CDH10: variants seen among roughly 807,000 people sequenced by gnomAD.
CDH10 encodes cadherin-10.
CDH10 carries 30 observed loss-of-function variants against 73.1 expected under a neutral mutation model. The observed-to-expected ratio is 0.41, with a 90% CI of 0.31 to 0.56. The LOEUF (loss-of-function observed/expected upper bound fraction) is 0.56. Among genes scored for constraint, CDH10 ranks in the 20% least tolerant of loss-of-function variants. The probability of loss-of-function intolerance (pLI) is 0.27; values close to 1 mark genes in which losing one functional copy is unlikely to be tolerated. For synonymous variants in CDH10, 345 were observed against 348.2 expected (o/e 0.99, Z 0.10); for missense variants, 815 against 973.7 (o/e 0.84, Z 2.17).
intron 5 of CDH10, among the ~76,000 whole-genome samples, chr5:24,519,048 G>A (rs1323657106): frequency 6.6e-6 from 1 of 151,600 alleles, no homozygotes; most frequent in Non-Finnish European, 1.5e-5. Context: ...GCACCACCAT[G>A]CCTGGCTAAT....
intron 2 of CDH10, among the ~76,000 whole-genome samples, chr5:24,563,753 A>G (rs11748166): frequency 0.83 from 120,888 of 145,392 alleles, 50,214 homozygotes; most frequent in East Asian, 0.9. Flanking sequence ...TGGGCGACAG[A>G]GCGAGACTCC....
In CDH10 at chr5:24,644,855, G is replaced by C. The variant is rs1004882393; in HGVS notation, c.-385C>G. 3.3e-5 allele frequency: 5 copies of C among 152,066 alleles called. No individual in the cohort carries two copies. Among genetic ancestry groups the C allele is most frequent in the Admixed American group, 3.3e-4 (5 of 15,226 alleles). 9.4% of individuals were successfully genotyped at this position (152,066 alleles called of 1,614,324 possible). A position where few individuals can be genotyped will look rare whatever the true frequency, so the allele number is the denominator to read the frequency against. ...AAAGGAAAAAAAAAAAAAAGGAAAG[G>C]GGGGAAAAAAGCTCTTCCTCACACG... On this transcript the variant is annotated 5_prime_UTR_variant, in exon 1 of 12. Transcript: ENST00000264463.
At chr5:24,625,994 T>C (rs549412038) in intron 1 of CDH10, among the ~76,000 whole-genome samples, 1 of 152,188 alleles carries the variant, frequency 6.6e-6, no homozygotes, top group African/African-American at 2.4e-5. Flanking sequence ...TAATATGAAT[T>C]AATTGTAGAA....
chr5:24,624,116 C>A (rs910853570), intron 1 of CDH10, among the ~76,000 whole-genome samples: 1 of 152,124 alleles, frequency 6.6e-6, no homozygotes, highest in Non-Finnish European at 1.5e-5. Flanking sequence ...GAGAAAAAGA[C>A]TCTGTCATCA....
rs1742902981 is a variant in CDH10 at position 24,511,505 on chromosome 5, T to G, written c.824A>C (p.His275Pro). 1 of 1,551,558 alleles carries G rather than the reference T, an allele frequency of 6.4e-7. No individual in the cohort carries two copies. Among genetic ancestry groups the G allele is most frequent in the African/African-American group, 1.4e-5 (1 of 71,666 alleles). ...NPPRFPQNTIHLRVLESSPVG... is the reference protein window; with the variant it reads ...NPPRFPQNTIPLRVLESSPVG... ...TGGGGAGGATTCAAGAACTCGAAGA[T>G]GAATAGTGTCTGTAAAGTATAAAGA... is the stretch of plus-strand genomic sequence containing the variant. The change falls in exon 6 of 12, where the codon CAT becomes CCT. Residue 275 changes from histidine to proline, a missense_variant. By Grantham distance (77) the His-to-Pro change is moderately conservative. Transcript: ENST00000264463.
At chr5:24,539,081 T>A (rs563594946) in intron 2 of CDH10, among the ~76,000 whole-genome samples, 1 of 152,196 alleles carries the variant, frequency 6.6e-6, no homozygotes, top group Admixed American at 6.6e-5. Context: ...ATTATAGACA[T>A]GTTTTATGTT....
chr5:24,500,910 T>C (rs1284570302), intron 8 of CDH10, among the ~76,000 whole-genome samples: 1 of 147,480 alleles, frequency 6.8e-6, no homozygotes, highest in Non-Finnish European at 1.5e-5. Context: ...TGAGAAGAAG[T>C]GGAGAGAGGA....
chr5:24,633,127 G>A (rs371866550), intron 1 of CDH10, among the ~76,000 whole-genome samples: 5 of 210 alleles, frequency 0.024, no homozygotes, highest in African/African-American at 0.059. Flanking sequence ...AAGAAAATAA[G>A]AGGAGTAAGA....
intron 5 of CDH10, among the ~76,000 whole-genome samples, chr5:24,512,969 A>G (rs907953975): frequency 1.3e-5 from 2 of 151,464 alleles, no homozygotes; most frequent in South Asian, 2.1e-4. Context: ...AATTTCCTAT[A>G]TTACTATTTC....
chr5:24,627,409 T>C (rs916549093), intron 1 of CDH10, among the ~76,000 whole-genome samples: 2 of 152,104 alleles, frequency 1.3e-5, no homozygotes, highest in Admixed American at 6.6e-5. Flanking sequence ...CACCAATAAA[T>C]AGAAATTTTA....
chr5:24,570,856 A>AT (rs932202168), intron 2 of CDH10, among the ~76,000 whole-genome samples: 33 of 151,166 alleles, frequency 2.2e-4, no homozygotes, highest in African/African-American at 6.3e-4. Context: ...GATTTGAAAT[A>AT]TTTTTTGTTT....
At position 24,644,931 on chromosome 5, in the gene CDH10, G is replaced by A. The variant is rs1748173685; in HGVS notation, c.-461C>T. On this transcript the variant is annotated 5_prime_UTR_variant, in exon 1 of 12. Coordinates refer to ENST00000264463, the MANE Select transcript of CDH10 (RefSeq NM_006727.5). ...TGCAGCACTCGCCATGGGAAGGTTA[G>A]AGACTGTGGAAGTGCTGGCTTCTGC... The A allele has an allele frequency of 6.6e-6, 1 of 152,134 alleles. No homozygotes were observed. 9.4% of individuals were successfully genotyped at this position (152,134 alleles called of 1,614,324 possible).
intron 1 of CDH10, among the ~76,000 whole-genome samples, chr5:24,644,015 C>T (rs1579500444): frequency 1.3e-5 from 2 of 152,184 alleles, no homozygotes; most frequent in South Asian, 4.2e-4. Context: ...AAGAATTCTG[C>T]CTATTCTATT....
At chr5:24,508,897 G>A (rs1046210854) in intron 7 of CDH10, among the ~76,000 whole-genome samples, 2 of 152,092 alleles carry the variant, frequency 1.3e-5, no homozygotes, top group South Asian at 2.1e-4. Context: ...AAGTAGTTTG[G>A]TTGCATGTAA....
At chr5:24,506,913 GAAGT>G (rs1403307951) in intron 7 of CDH10, among the ~76,000 whole-genome samples, 1 of 152,142 alleles carries the variant, frequency 6.6e-6, no homozygotes, top group Non-Finnish European at 1.5e-5. Flanking sequence ...TCAGAATGAA[GAAGT>G]AATGACAAAA....
chr5:24,563,396 C>T (rs1318798797), intron 2 of CDH10, among the ~76,000 whole-genome samples: 1 of 151,076 alleles, frequency 6.6e-6, no homozygotes, highest in Non-Finnish European at 1.5e-5. Flanking sequence ...ACTAAGTCCT[C>T]CACTAGAAAG....
intron 2 of CDH10, among the ~76,000 whole-genome samples, chr5:24,562,158 C>T (rs146161947): frequency 4.8e-4 from 73 of 151,898 alleles, no homozygotes; most frequent in African/African-American, 1.8e-3. Context: ...AAATGAGAAA[C>T]AATGAAACTA....
At position 24,593,372 on chromosome 5, in the gene CDH10, C is replaced by G. The variant is rs777678940; in HGVS notation, c.119G>C (p.Arg40Pro). The change falls in exon 2 of 12, where the codon CGT becomes CCT. Residue 40 changes from arginine to proline, a missense_variant. By Grantham distance (103) the Arg-to-Pro change is moderately radical (BLOSUM62 -2). Coordinates refer to ENST00000264463, the MANE Select transcript of CDH10 (RefSeq NM_006727.5). Reference protein sequence around the residue: ...PVPQQRILSSRVPRSDGKILH... With the variant: ...PVPQQRILSSPVPRSDGKILH... ...AATTTTGCCATCACTCCTTGGTACA[C>G]GTGAACTTAAAATTCTTTGCTGTGG... 2 of 1,612,498 alleles carry G rather than the reference C, an allele frequency of 1.2e-6. No homozygotes were observed. The highest frequency in any genetic ancestry group is 1.7e-5 in the Admixed American group (1 of 59,942).
At chr5:24,576,405 A>G (rs535077604) in intron 2 of CDH10, among the ~76,000 whole-genome samples, 1 of 152,248 alleles carries the variant, frequency 6.6e-6, no homozygotes, top group East Asian at 1.9e-4. Flanking sequence ...AAATTCTGGT[A>G]GGTTAAACCT....
Sources: gnomAD v4.1 joint callset for allele counts (sites outside exome capture counted in the v4.1 genomes callset) on GRCh38, gnomAD v4.1.1 for gene constraint, MANE v1.5 for transcripts, NCBI Gene and HGNC (gene_info 2026-07-23, HGNC 2026-07-21) for gene names.